The following IGSF5 variants were observed in gnomAD, a reference collection of about 807,000 sequenced individuals.
The protein encoded by IGSF5 is immunoglobulin superfamily 5 like.
A neutral mutation model predicts 39.4 loss-of-function variants in IGSF5; 41 were observed. That is an observed-to-expected ratio of 1.04 (90% CI 0.81 to 1.35). The LOEUF is 1.35. Among genes scored for constraint, IGSF5 ranks in the 40% most tolerant of loss-of-function variants. IGSF5 has a pLI of 0.00. For synonymous variants in IGSF5, 183 were observed against 175.3 expected, an observed-to-expected ratio of 1.04 and a Z score of -0.34; for missense variants, 487 against 494.6, an observed-to-expected ratio of 0.98 and a Z score of 0.15.
chr21:39,764,816 A>G (rs1053181935), intron 2 of IGSF5, among the ~76,000 whole-genome samples: 3 of 152,220 alleles, frequency 2.0e-5, no homozygotes, highest in Non-Finnish European at 4.4e-5. Flanking sequence ...AGGAGAAGCC[A>G]CGGTATGTGG....
chr21:39,779,243 G>A lies in IGSF5; in HGVS notation c.872G>A (p.Arg291His), dbSNP rs927466034. 2.7e-5 allele frequency: 44 copies of A among 1,613,626 alleles called. No homozygotes were observed. Among genetic ancestry groups the A allele is most frequent in the Non-Finnish European group, 3.6e-5 (43 of 1,179,810 alleles). Residue 291 changes from arginine (R) to histidine (H), a missense_variant, in exon 5 of 9, where the codon CGC (arginine) becomes CAC (histidine). Arg to His is a conservative substitution (Grantham distance 29). Coordinates refer to ENST00000380588, the MANE Select transcript of IGSF5 (RefSeq NM_001080444.2). ...CTTACAATACGCTGCTGCTGCTGCCGCCGTCGTTGTTGTGGCTGCAACTGC... is the reference window on the plus strand; with the variant it reads ...CTTACAATACGCTGCTGCTGCTGCCACCGTCGTTGTTGTGGCTGCAACTGC... ...CTLTIRCCCC[R>H]RRCCGCNCCC...
At chr21:39,769,246 C>A (rs570182011) in intron 3 of IGSF5, among the ~76,000 whole-genome samples, 3 of 152,082 alleles carry the variant, frequency 2.0e-5, no homozygotes, top group African/African-American at 7.2e-5. Flanking sequence ...GAGGCCCAGG[C>A]GGGCAGCTCA....
chr21:39,748,982 C>A (rs2079989852), intron 2 of IGSF5, among the ~76,000 whole-genome samples: 1 of 152,068 alleles, frequency 6.6e-6, no homozygotes, highest in Non-Finnish European at 1.5e-5. Flanking sequence ...TTTCTGCTAT[C>A]TTCTTAGGTT....
rs565958616 is a variant in IGSF5 at position 39,788,660 on chromosome 21, C to T, written c.956+472C>T. 9.2e-5 allele frequency among the ~76,000 whole-genome samples: 14 copies of T among 152,302 alleles called. No homozygotes were observed. In the East Asian group the frequency reaches 2.7e-3, roughly 29 times the overall value. Reference sequence around the variant, plus strand: ...AGGCAGTGTTCGGTGCTCATTCAGCCGTGGGGAGCGGACAGGACGGAAAAA... The same window carrying T: ...AGGCAGTGTTCGGTGCTCATTCAGCTGTGGGGAGCGGACAGGACGGAAAAA... On this transcript the variant is annotated intron_variant, in intron 6 of 8. Transcript: ENST00000380588.
At chr21:39,780,190 G>A (rs2080163367) in intron 5 of IGSF5, among the ~76,000 whole-genome samples, 1 of 151,986 alleles carries the variant, frequency 6.6e-6, no homozygotes. Context: ...TTGTCTGTGT[G>A]TTTTAATAAA....
chr21:39,758,458 A>G (rs899145787), intron 2 of IGSF5, among the ~76,000 whole-genome samples: 2 of 151,924 alleles, frequency 1.3e-5, no homozygotes, highest in African/African-American at 2.4e-5. Flanking sequence ...CACCTCTTCA[A>G]TTTCTATCTG....
chr21:39,735,220 G>A, the IGSF5 span, among the ~76,000 whole-genome samples: 1 of 152,144 alleles, frequency 6.6e-6, no homozygotes, highest in Non-Finnish European at 1.5e-5. Flanking sequence ...AACAGTGCTT[G>A]TGTCTGTACG....
intron 2 of IGSF5, among the ~76,000 whole-genome samples, chr21:39,751,861 T>C (rs988038534): frequency 1.3e-5 from 2 of 152,130 alleles, no homozygotes; most frequent in African/African-American, 4.8e-5. Flanking sequence ...CTGGAGGTTC[T>C]GAGAAGGCCG....
At chr21:39,797,218 C>CTT (rs11385437) in intron 8 of IGSF5, among the ~76,000 whole-genome samples, 13,274 of 123,652 alleles carry the variant, frequency 0.11, 1,092 homozygotes, top group African/African-American at 0.15. Flanking sequence ...AGCTCCTTTG[C>CTT]TTTTTTTTTT....
At chr21:39,715,442 A>G in the IGSF5 span, among the ~76,000 whole-genome samples, 3 of 152,334 alleles carry the variant, frequency 2.0e-5, no homozygotes, top group Middle Eastern at 3.4e-3. Context: ...CTTATGCTAT[A>G]AAGGCCTCTT....
chr21:39,740,108 G>A, the IGSF5 span, among the ~76,000 whole-genome samples: 2 of 152,088 alleles, frequency 1.3e-5, no homozygotes, highest in African/African-American at 4.8e-5. Context: ...CCATCCTGAG[G>A]GGAGAAAACT....
chr21:39,777,006 C>T (rs2080144936), intron 4 of IGSF5, among the ~76,000 whole-genome samples: 1 of 152,198 alleles, frequency 6.6e-6, no homozygotes, highest in African/African-American at 2.4e-5. Context: ...AACTTTCACA[C>T]ACACCCCTGA....
At chr21:39,748,927 T>G (rs2079989576) in intron 2 of IGSF5, among the ~76,000 whole-genome samples, 1 of 152,130 alleles carries the variant, frequency 6.6e-6, no homozygotes, top group Admixed American at 6.5e-5. Context: ...AGGATACAAA[T>G]GAGACAAGTG....
At chr21:39,766,070 C>T (rs2080086121) in intron 3 of IGSF5, among the ~76,000 whole-genome samples, 2 of 152,264 alleles carry the variant, frequency 1.3e-5, no homozygotes, top group South Asian at 2.1e-4. Flanking sequence ...CCCTTCTCCC[C>T]CTCTCTTCCT....
At chr21:39,746,810 A>G (rs1158057224) in intron 2 of IGSF5, among the ~76,000 whole-genome samples, 1 of 152,170 alleles carries the variant, frequency 6.6e-6, no homozygotes, top group East Asian at 1.9e-4. Flanking sequence ...ATTAGCTATC[A>G]TTGTTTTTAT....
rs140945405 is a variant in IGSF5 at position 39,784,277 on chromosome 21, A to G, written c.935-3890A>G. Among the ~76,000 whole-genome samples the G allele has an allele frequency of 3.1e-3, 469 of 152,330 alleles. 1 individual carries two copies. The highest frequency in any genetic ancestry group is 0.011 in the African/African-American group (441 of 41,574). ...CTTAGATTTTAATAGAGATGTGACT[A>G]CAGATTGTTCAGTACCTTCAGAACA... On this transcript the variant is annotated intron_variant, in intron 5 of 8. Coordinates refer to ENST00000380588, the MANE Select transcript of IGSF5 (RefSeq NM_001080444.2).
upstream of IGSF5, among the ~76,000 whole-genome samples, chr21:39,740,339 G>A (rs1218898948): frequency 3.9e-5 from 6 of 152,102 alleles, 1 homozygote; most frequent in African/African-American, 9.7e-5. Context: ...CACCTCTTTA[G>A]GTTTCTGTAC....
At chr21:39,750,634 G>A (rs1055031291) in intron 2 of IGSF5, among the ~76,000 whole-genome samples, 4 of 144,930 alleles carry the variant, frequency 2.8e-5, no homozygotes, top group Non-Finnish European at 5.9e-5. Flanking sequence ...GCACTTGAGG[G>A]TGGGGGGTTG....
intron 2 of IGSF5, among the ~76,000 whole-genome samples, chr21:39,755,312 T>TG (rs1199611312): frequency 1.3e-5 from 2 of 152,048 alleles, no homozygotes; most frequent in Non-Finnish European, 2.9e-5. Flanking sequence ...GATGACCTGG[T>TG]GCGGTGGCTC....
Sources: gnomAD v4.1 joint callset for allele counts (sites outside exome capture counted in the v4.1 genomes callset) on GRCh38, gnomAD v4.1.1 for gene constraint, MANE v1.5 for transcripts, NCBI Gene and HGNC (gene_info 2026-07-23, HGNC 2026-07-21) for gene names.